PLEKHG4B: variants seen among roughly 807,000 people sequenced by gnomAD.
PLEKHG4B encodes the protein pleckstrin homology domain-containing family G member 4B.
In PLEKHG4B, 111 loss-of-function variants were observed where a neutral mutation model predicts 121.3. The observed-to-expected ratio is 0.92, with a 90% CI of 0.78 to 1.07. The LOEUF (loss-of-function observed/expected upper bound fraction) is 1.07, where lower values mean the gene tolerates loss of function less well. Ranked by LOEUF, PLEKHG4B falls within the 50% of genes least tolerant of loss-of-function variation. The probability of loss-of-function intolerance (pLI) is 0.00; values close to 1 mark genes in which losing one functional copy is unlikely to be tolerated. For synonymous variants in PLEKHG4B, 738 were observed against 725.0 expected (o/e 1.02, Z -0.29); for missense variants, 1,831 against 1,757.8 (o/e 1.04, Z -0.74).
chr5:145,280 C>A (rs1191532255), intron 6 of PLEKHG4B, among the ~76,000 whole-genome samples: 1 of 152,238 alleles, frequency 6.6e-6, no homozygotes, highest in Non-Finnish European at 1.5e-5. Flanking sequence ...TGCAGCTGCC[C>A]CCGCTATGCC....
chr5:173,811 C>T (rs1279571915), intron 17 of PLEKHG4B, 107 bp from the exon 18 acceptor site: 3 of 1,298,696 alleles, frequency 2.3e-6, no homozygotes, highest in Non-Finnish European at 3.2e-6. Context: ...ACACATTTGT[C>T]ATTTGGTGTC....
chr5:108,252 G>T (rs1212077860), intron 1 of PLEKHG4B, among the ~76,000 whole-genome samples: 1 of 152,210 alleles, frequency 6.6e-6, no homozygotes, highest in Non-Finnish European at 1.5e-5. Context: ...TTTGGTGATT[G>T]CTGAACTCTT....
In PLEKHG4B at chr5:181,582, G is replaced by C; in HGVS notation, c.4471G>C (p.Asp1491His). The change falls in exon 19 of 20, where the codon GAC becomes CAC. Residue 1491 changes from aspartate to histidine, a missense_variant. Physicochemically the swap from Asp to His is moderately conservative, Grantham distance 81. Transcript: ENST00000637938. ...NQPFMDVKPR[D>H]RTPDCAVISD... is the part of the protein sequence containing the mutation. Reference sequence around the variant, plus strand: ...GCCATTCATGGATGTCAAGCCCAGAGACCGGACCCCTGACTGTGCAGTGAT... The same window carrying C: ...GCCATTCATGGATGTCAAGCCCAGACACCGGACCCCTGACTGTGCAGTGAT... 6.2e-7 allele frequency: 1 copy of C among 1,613,600 alleles called. No individual in the cohort carries two copies. The highest frequency in any genetic ancestry group is 8.5e-7 in the Non-Finnish European group (1 of 1,179,828).
chr5:145,651 G>A (rs1220448463), intron 6 of PLEKHG4B, among the ~76,000 whole-genome samples: 2 of 152,232 alleles, frequency 1.3e-5, no homozygotes, highest in Admixed American at 6.5e-5. Context: ...GAGCCACTGT[G>A]TGTGGCCTAG....
intron 1 of PLEKHG4B, among the ~76,000 whole-genome samples, chr5:96,493 T>C (rs2126326504): frequency 6.6e-6 from 1 of 152,368 alleles, no homozygotes; most frequent in Admixed American, 6.5e-5. Context: ...AATCATGTAA[T>C]ATTTTAAAGA....
chr5:142,548 A>G (rs555828665), intron 3 of PLEKHG4B, among the ~76,000 whole-genome samples: 2 of 138,614 alleles, frequency 1.4e-5, no homozygotes, highest in African/African-American at 6.0e-5. Context: ...CAGAGTTCCA[A>G]ATACCACACA....
chr5:168,545 A>G lies in PLEKHG4B; in HGVS notation c.3477-795A>G, dbSNP rs1736427478. On this transcript the variant is annotated intron_variant, in intron 13 of 19. Transcript: ENST00000637938. The stretch of plus-strand genomic sequence containing the variant: ...TTTCCACCACAGCCTTCCTTAGCAG[A>G]AGCGTCACTGCTGGAAGTGTTTGAG... Among the ~76,000 whole-genome samples the G allele has an allele frequency of 2.0e-5, 3 of 152,076 alleles. No homozygotes were observed. The South Asian group carries it at 6.2e-4, about 32-fold the overall frequency.
At position 113,284 on chromosome 5, in the gene PLEKHG4B, A is replaced by G. The variant is rs2126357262; in HGVS notation, c.79A>G (p.Thr27Ala). The G allele has an allele frequency of 2.5e-6, 1 of 398,938 alleles. No homozygotes were observed. Among genetic ancestry groups the G allele is most frequent in the East Asian group, 3.6e-5 (1 of 28,064 alleles). The allele number at this position is 398,938 out of a possible 1,614,324, so 24.7% of individuals were successfully genotyped here. A position where few individuals can be genotyped will look rare whatever the true frequency, so the allele number is the denominator to read the frequency against. ...ATCTCTTGATGCCTGTATCCAGAGGACGCTCTCTGCCTTGTACCCACCGTT... is the reference window on the plus strand; with the variant it reads ...ATCTCTTGATGCCTGTATCCAGAGGGCGCTCTCTGCCTTGTACCCACCGTT... Reference protein sequence around the residue: ...LESLDACIQRTLSALYPPFEA... With the variant: ...LESLDACIQRALSALYPPFEA... The change falls in exon 2 of 20, where the codon ACG becomes GCG. Residue 27 changes from threonine (T) to alanine (A), a missense_variant. By Grantham distance (58) the Thr-to-Ala change is moderately conservative. Transcript: ENST00000637938. This position sits in a 1 kb window ranked among gnomAD's most constrained non-coding sequence, Gnocchi z 5.2.
intron 3 of PLEKHG4B, among the ~76,000 whole-genome samples, chr5:142,537 CCA>C (rs902549476): frequency 2.0e-5 from 3 of 149,238 alleles, no homozygotes; most frequent in Non-Finnish European, 4.4e-5. Flanking sequence ...CGATCACACT[CCA>C]GAGTTCCAAA....
chr5:176,102 C>A (rs1193997292), intron 18 of PLEKHG4B, among the ~76,000 whole-genome samples: 4 of 118,834 alleles, frequency 3.4e-5, no homozygotes, highest in African/African-American at 1.0e-4. Context: ...CACAGGGGGC[C>A]CCATGGCGTC....
chr5:153,622 G>A (rs6860774), intron 7 of PLEKHG4B, among the ~76,000 whole-genome samples: 27,204 of 152,094 alleles, frequency 0.18, 3,274 homozygotes, highest in African/African-American at 0.34. Flanking sequence ...ACCCCACCCC[G>A]TCCTCTGTTT....
chr5:151,293 AT>A (rs1177345448), intron 6 of PLEKHG4B, among the ~76,000 whole-genome samples: 3 of 152,172 alleles, frequency 2.0e-5, no homozygotes, highest in Non-Finnish European at 2.9e-5. Context: ...AAAAGGGTGA[AT>A]TTTATTGTAT....
At position 159,892 on chromosome 5, in the gene PLEKHG4B, A is replaced by C. The variant is rs1052653949; in HGVS notation, c.2488-1891A>C. 6.6e-5 allele frequency among the ~76,000 whole-genome samples: 10 copies of C among 150,730 alleles called. No individual in the cohort carries two copies. Among genetic ancestry groups the C allele is most frequent in the Non-Finnish European group, 1.5e-4 (10 of 67,678 alleles). ...GCCTCTGCTCTCCTCAGGCCCTGCC[A>C]CTCCCGCTTCCTTCCCGGCCTCCAG... is the stretch of plus-strand genomic sequence containing the variant. On this transcript the variant is annotated intron_variant, in intron 11 of 19. Coordinates refer to ENST00000637938, the MANE Select transcript of PLEKHG4B (RefSeq NM_052909.5). The surrounding 1 kb of genome is among the most constrained non-coding windows in gnomAD (Gnocchi z 5.5).
chr5:145,750 G>C (rs1735386859), intron 6 of PLEKHG4B, among the ~76,000 whole-genome samples: 1 of 152,132 alleles, frequency 6.6e-6, no homozygotes, highest in South Asian at 2.1e-4. Flanking sequence ...GCAGATGGAA[G>C]CTCAGAGATG....
At chr5:109,745 A>G (rs1221445142) in intron 1 of PLEKHG4B, among the ~76,000 whole-genome samples, 2 of 152,252 alleles carry the variant, frequency 1.3e-5, no homozygotes, top group Admixed American at 6.5e-5. Context: ...GTTTTCGGAC[A>G]CCGTCTTCCA....
chr5:152,716 C>T (rs1337930759), intron 7 of PLEKHG4B, among the ~76,000 whole-genome samples: 1 of 152,190 alleles, frequency 6.6e-6, no homozygotes, highest in Non-Finnish European at 1.5e-5. Context: ...GTTAAACTCA[C>T]TAATGTGGCT....
intron 2 of PLEKHG4B, among the ~76,000 whole-genome samples, chr5:121,172 G>A (rs550832089): frequency 3.9e-4 from 59 of 152,066 alleles, no homozygotes; most frequent in African/African-American, 1.2e-3. Context: ...GCGTGAACCC[G>A]GGAGGTGGAG....
chr5:99,168 GTGTATATATA>G lies in PLEKHG4B; in HGVS notation c.45+6894_45+6903del, dbSNP rs1310838539. 6.6e-5 allele frequency among the ~76,000 whole-genome samples: 3 copies of G among 45,118 alleles called. No homozygotes were observed. In the East Asian group the frequency reaches 2.3e-3, roughly 34 times the overall value. The allele number at this position is 45,118 out of a possible 152,430, so 29.6% of individuals were successfully genotyped here. ...GAGAGTCTGTCTCAAAAAAAAAAAA[GTGTATATATA>G]TATATATATATATATATATATATAT... On this transcript the variant is annotated intron_variant, in intron 1 of 19. Coordinates refer to ENST00000637938, the MANE Select transcript of PLEKHG4B (RefSeq NM_052909.5).
intron 13 of PLEKHG4B, among the ~76,000 whole-genome samples, chr5:167,128 A>G (rs1318379271): frequency 1.3e-5 from 2 of 152,194 alleles, no homozygotes; most frequent in Admixed American, 6.5e-5. Context: ...TCAAGACCCA[A>G]TTAAGACTGT....
Sources: gnomAD v4.1 joint callset for allele counts (sites outside exome capture counted in the v4.1 genomes callset) on GRCh38, gnomAD v4.1.1 for gene constraint, Gnocchi (gnomAD v3.1) non-coding constraint, MANE v1.5 for transcripts, NCBI Gene and HGNC (gene_info 2026-07-23, HGNC 2026-07-21) for gene names.